Variants in APC observed in about 807,000 individuals in gnomAD.
The protein encoded by APC is adenomatous polyposis coli protein.
In APC, 72 loss-of-function variants were observed where a neutral mutation model predicts 247.0. That is an observed-to-expected ratio of 0.29 (90% CI 0.24 to 0.35). APC has a LOEUF of 0.35. Among genes scored for constraint, APC ranks in the 10% least tolerant of loss-of-function variants. The pLI is 1.00. For synonymous variants in APC, 1,254 were observed against 1,162.5 expected, an observed-to-expected ratio of 1.08 and a Z score of -1.60; for missense variants, 3,400 against 3,360.7, an observed-to-expected ratio of 1.01 and a Z score of -0.29.
chr5:112,754,817 C>G (rs79234413), intron 1 of APC, 56 bp from the exon 2 acceptor site: 1 of 1,554,178 alleles, frequency 6.4e-7, no homozygotes, highest in South Asian at 1.1e-5. Context: ...TCTTTAAAAA[C>G]AAGCAGCCAC....
intron 1 of APC, among the ~76,000 whole-genome samples, chr5:112,747,183 C>T (rs1419148683): frequency 1.3e-5 from 2 of 151,948 alleles, no homozygotes; most frequent in Admixed American, 1.3e-4. Flanking sequence ...CTCAAATAGC[C>T]AAAAGCCTAG....
intron 8 of APC, among the ~76,000 whole-genome samples, chr5:112,813,636 A>C (rs926425679): frequency 1.2e-4 from 19 of 152,070 alleles, no homozygotes; most frequent in African/African-American, 4.6e-4. Flanking sequence ...ACGTCACCAT[A>C]GCTGGGCTCA....
chr5:112,831,212 G>A (rs752092655), intron 14 of APC, among the ~76,000 whole-genome samples: 2 of 152,034 alleles, frequency 1.3e-5, no homozygotes, highest in Non-Finnish European at 2.9e-5. Flanking sequence ...TGGTTCAAGC[G>A]ATTATCCTGC....
In APC at chr5:112,841,236, TAAG is replaced by T; in HGVS notation, c.5645_5647del (p.Arg1882del). 6.2e-7 allele frequency: 1 copy of T among 1,613,790 alleles called. No homozygotes were observed. The highest frequency in any genetic ancestry group is 8.5e-7 in the Non-Finnish European group (1 of 1,179,778). Reference sequence around the variant, plus strand: ...GACCTTTCCAGGGAAAAGGCTGAATTAAGAAAGGCAAAAGAAAATAAGGAATCA... The same window carrying T: ...GACCTTTCCAGGGAAAAGGCTGAATTAAAGGCAAAAGAAAATAAGGAATCA... On this transcript the variant is annotated inframe_deletion, in exon 16 of 16. Transcript: ENST00000257430. The surrounding 1 kb of genome is among the most constrained non-coding windows in gnomAD (Gnocchi z 4.6).
intron 1 of APC, among the ~76,000 whole-genome samples, chr5:112,743,232 C>T (rs1278405348): frequency 6.6e-6 from 1 of 152,210 alleles, no homozygotes; most frequent in East Asian, 1.9e-4. Context: ...CTGCCTCCTT[C>T]TTAAAAGAAC....
intron 1 of APC, among the ~76,000 whole-genome samples, chr5:112,718,551 A>G (rs1328660213): frequency 1.3e-5 from 2 of 152,328 alleles, no homozygotes; most frequent in Non-Finnish European, 2.9e-5. Flanking sequence ...TGTGCCTGCA[A>G]TGCAGGCAAC....
In APC at chr5:112,836,522, G is replaced by A. The variant is rs411356; in HGVS notation, c.1959-1031G>A. On this transcript the variant is annotated intron_variant, in intron 15 of 15. Transcript: ENST00000257430. ...TTCAGTTTTAAAGCCCACTAAAGCT[G>A]AATATGCTGTCATTAATCTTCAGTT... Among the ~76,000 whole-genome samples the A allele has an allele frequency of 0.61, 93,140 of 151,856 alleles. 29,000 individuals carry two copies. The highest frequency in any genetic ancestry group is 0.82 in the East Asian group (4,232 of 5,150).
At chr5:112,769,212 G>A (rs189974418) in intron 4 of APC, among the ~76,000 whole-genome samples, 8 of 151,544 alleles carry the variant, frequency 5.3e-5, no homozygotes, top group South Asian at 2.1e-4. Flanking sequence ...CACCGCGTCC[G>A]GCTAATTTTT....
chr5:112,708,003 C>T, intron 1 of APC: 1 of 1,027,134 alleles, frequency 9.7e-7, no homozygotes, highest in South Asian at 1.8e-5. Flanking sequence ...CTCCATGTCT[C>T]ACCCTCTCCC....
chr5:112,753,398 A>G (rs988363086), intron 1 of APC, among the ~76,000 whole-genome samples: 2 of 152,186 alleles, frequency 1.3e-5, no homozygotes, highest in Admixed American at 6.5e-5. Flanking sequence ...TTACATTTAC[A>G]TAGTACTTTT....
intron 10 of APC, 97 bp downstream of exon 10, chr5:112,819,441 C>G (rs1369368254): frequency 6.8e-7 from 1 of 1,464,104 alleles, no homozygotes; most frequent in Non-Finnish European, 9.5e-7. Context: ...GTCTTTATGA[C>G]TAAGAGGAGA....
intron 1 of APC, among the ~76,000 whole-genome samples, chr5:112,745,676 G>A (rs1347008470): frequency 6.6e-5 from 10 of 151,632 alleles, no homozygotes; most frequent in Admixed American, 2.6e-4. Flanking sequence ...CTGTCTTAGC[G>A]ACCCCCCCAC....
rs768274685 is a variant in APC at position 112,842,180 on chromosome 5, A to AT, written c.6586_6587insT (p.Lys2196IlefsTer11). ...AATCAAAGGAGGAAAAAAAGTTTAT[A>AT]AAAGTTTGATTACTGGAAAAGTTCG... On this transcript the variant is annotated frameshift_variant, in exon 16 of 16. Transcript: ENST00000257430. LOFTEE classifies it high-confidence loss of function. 1 of 1,613,022 alleles carries AT rather than the reference A, an allele frequency of 6.2e-7. No homozygotes were observed. The highest frequency in any genetic ancestry group is 1.7e-5 in the Admixed American group (1 of 59,966).
chr5:112,795,560 G>C (rs1009777697), intron 7 of APC, among the ~76,000 whole-genome samples: 1 of 152,168 alleles, frequency 6.6e-6, no homozygotes, highest in Non-Finnish European at 1.5e-5. Flanking sequence ...GGCCTACCCT[G>C]AGTTGCCTCA....
At chr5:112,814,101 A>G (rs947469271) in intron 8 of APC, among the ~76,000 whole-genome samples, 1 of 152,240 alleles carries the variant, frequency 6.6e-6, no homozygotes, top group African/African-American at 2.4e-5. Context: ...AGCGAACAGA[A>G]TAAAGTTTCT....
At position 112,845,248 on chromosome 5, in the gene APC, T is replaced by A. The variant is rs1265284639; in HGVS notation, c.*1122T>A. ...ATATTTTTCCACTTAAACTTTTTTT[T>A]CTTACTCCACTGGAGCTCAGTAAAA... On this transcript the variant is annotated 3_prime_UTR_variant, in exon 16 of 16. Transcript: ENST00000257430. 4.3e-6 allele frequency: 1 copy of A among 232,618 alleles called. No homozygotes were observed. The highest frequency in any genetic ancestry group is 8.5e-6 in the Non-Finnish European group (1 of 117,508). 14.4% of individuals were successfully genotyped at this position (232,618 alleles called of 1,614,324 possible).
intron 14 of APC, among the ~76,000 whole-genome samples, chr5:112,831,638 A>C (rs1016872563): frequency 6.6e-6 from 1 of 152,262 alleles, no homozygotes; most frequent in Admixed American, 6.5e-5. Context: ...GTTCCACATC[A>C]CTTTAACTCA....
rs1037746738 is a variant in APC, at chr5:112,821,992, G to A, written c.1408+1G>A. The stretch of plus-strand genomic sequence containing the variant: ...CATAGACATGCAATGAATGAACTAG[G>A]TAAGACAAAAATGTTTTTTAATGAC... On this transcript the variant is annotated splice_donor_variant, in intron 11 of 15. Transcript: ENST00000257430. LOFTEE classifies it high-confidence loss of function. The A allele has an allele frequency of 6.2e-7, 1 of 1,600,580 alleles. No individual in the cohort carries two copies. The highest frequency in any genetic ancestry group is 1.3e-5 in the African/African-American group (1 of 74,594).
intron 2 of APC, among the ~76,000 whole-genome samples, chr5:112,759,356 C>CTTTTTTTTTTT (rs887438895): frequency 1.1e-4 from 14 of 122,358 alleles, no homozygotes; most frequent in Non-Finnish European, 1.7e-4. Flanking sequence ...TTCTTTCTTT[C>CTTTTTTTTTTT]TTTTTTTTTT....
Sources: allele counts gnomAD v4.1 joint callset (sites outside exome capture counted in the v4.1 genomes callset), GRCh38; gene constraint gnomAD v4.1.1; non-coding constraint Gnocchi (gnomAD v3.1); transcripts MANE v1.5; gene names NCBI Gene and HGNC (gene_info 2026-07-23, HGNC 2026-07-21).